The following DMD variants were observed in gnomAD, a reference collection of about 807,000 sequenced individuals.
The protein encoded by DMD is dystrophin, also known as mutant dystrophin.
Under a neutral mutation model 330.1 loss-of-function variants are expected in DMD, and 63 were observed. The observed-to-expected ratio is 0.19, with a 90% CI of 0.16 to 0.24. The LOEUF (loss-of-function observed/expected upper bound fraction) is 0.24. Among genes scored for constraint, DMD ranks in the 10% least tolerant of loss-of-function variants. DMD has a pLI of 1.00. For missense variants in DMD, 3,344 were observed against 2,684.1 expected (o/e 1.25, Z -5.43); for synonymous variants, 1,223 against 959.8 (o/e 1.27, Z -5.07).
At chrX:32,717,313 T>G (rs1442100892) in intron 7 of DMD, among the ~76,000 whole-genome samples, 1 of 110,965 alleles carries the variant, frequency 9.0e-6, no homozygotes, top group East Asian at 2.9e-4. Flanking sequence ...AAGACACTGC[T>G]CCCTATGTCC....
rs748759202 is a variant in DMD, at chrX:32,186,499, G to C, written c.6438+30417C>G. ...TAAAAAAATCTTAGCCAGAAGGATT[G>C]CTTCCTGAAAATGATTTAATTTGTA... On this transcript the variant is annotated intron_variant, in intron 44 of 78. Coordinates refer to ENST00000357033, the MANE Select transcript of DMD (RefSeq NM_004006.3). 1.1e-4 allele frequency among the ~76,000 whole-genome samples: 12 copies of C among 111,633 alleles called. No individual in the cohort carries two copies. The South Asian group carries it at 3.3e-3, about 31-fold the overall frequency.
At chrX:32,782,609 C>T (rs772995285) in intron 7 of DMD, among the ~76,000 whole-genome samples, 1 of 111,288 alleles carries the variant, frequency 9.0e-6, no homozygotes, top group Non-Finnish European at 1.9e-5. Flanking sequence ...GGTGGTTGTA[C>T]AGGTGGAGAG....
At chrX:31,366,988 AC>A (rs1174102049) in intron 60 of DMD, among the ~76,000 whole-genome samples, 1 of 110,952 alleles carries the variant, frequency 9.0e-6, no homozygotes, top group Non-Finnish European at 1.9e-5. Context: ...TGATGTCTTC[AC>A]TTTTCTCTAT....
intron 34 of DMD, among the ~76,000 whole-genome samples, chrX:32,368,247 T>C (rs1266543659): frequency 9.0e-6 from 1 of 111,704 alleles, no homozygotes; most frequent in Non-Finnish European, 1.9e-5. Flanking sequence ...AACCTCACTC[T>C]AATCATGCCT....
At chrX:31,933,754 G>T (rs1427967554) in intron 45 of DMD, among the ~76,000 whole-genome samples, 1 of 111,693 alleles carries the variant, frequency 9.0e-6, no homozygotes, top group Admixed American at 9.5e-5. Flanking sequence ...TGATTATTTT[G>T]CCGGTACTGA....
At chrX:32,133,799 C>G (rs2096711277) in intron 44 of DMD, among the ~76,000 whole-genome samples, 1 of 111,418 alleles carries the variant, frequency 9.0e-6, no homozygotes, top group Admixed American at 9.6e-5. Flanking sequence ...TCTTCTCACA[C>G]TTAGAAAGAG....
intron 74 of DMD, among the ~76,000 whole-genome samples, chrX:31,156,762 A>G (rs2038174567): frequency 8.9e-6 from 1 of 112,196 alleles, no homozygotes; most frequent in Non-Finnish European, 1.9e-5. Context: ...ATGTGCTAAA[A>G]ACTTCCTATA....
intron 1 of DMD, among the ~76,000 whole-genome samples, chrX:33,262,144 A>T (rs1380486666): frequency 2.7e-5 from 3 of 111,983 alleles, no homozygotes; most frequent in African/African-American, 9.7e-5. Context: ...ATTGAGAAGA[A>T]AAAAGCTATA....
At chrX:32,534,183 A>C (rs1165578455) in intron 17 of DMD, among the ~76,000 whole-genome samples, 2 of 111,934 alleles carry the variant, frequency 1.8e-5, no homozygotes, top group Non-Finnish European at 3.8e-5. Flanking sequence ...CAATTCCAAA[A>C]TTAAGGTACC....
At chrX:33,332,764 C>G (rs1297344109) in intron 1 of DMD, among the ~76,000 whole-genome samples, 3 of 111,404 alleles carry the variant, frequency 2.7e-5, no homozygotes, top group East Asian at 2.8e-4. Flanking sequence ...TTTTTGTTTG[C>G]TTTTTTGTTA....
intron 44 of DMD, among the ~76,000 whole-genome samples, chrX:32,056,652 G>A (rs1433564416): frequency 9.0e-6 from 1 of 110,577 alleles, no homozygotes; most frequent in Non-Finnish European, 1.9e-5. Context: ...ACAAAGAAAA[G>A]CCCAGGACCA....
At chrX:33,147,069 G>T (rs1227655515) in intron 1 of DMD, among the ~76,000 whole-genome samples, 1 of 110,870 alleles carries the variant, frequency 9.0e-6, no homozygotes, top group Non-Finnish European at 1.9e-5. Flanking sequence ...TGATCCACCC[G>T]CCTCAGCCTC....
intron 50 of DMD, among the ~76,000 whole-genome samples, chrX:31,783,966 T>C (rs1183285725): frequency 1.8e-5 from 2 of 112,296 alleles, no homozygotes; most frequent in Non-Finnish European, 3.8e-5. Flanking sequence ...TTCCTCATCA[T>C]ACCACTCTGG....
In DMD at chrX:31,995,436, A is replaced by T. The variant is rs191340207; in HGVS notation, c.6439-26922T>A. Among the ~76,000 whole-genome samples, 735 of 112,238 alleles carry T rather than the reference A, an allele frequency of 6.5e-3. 3 individuals are homozygous for T. The highest frequency in any genetic ancestry group is 0.023 in the African/African-American group (697 of 30,953). On this transcript the variant is annotated intron_variant, in intron 44 of 78. Transcript: ENST00000357033. ...TCAAATTCTATAATGAGCACTTATT[A>T]CCTTTATAATAAGAAAAAAGAAAAT...
At chrX:32,380,385 A>G (rs1422192980) in intron 34 of DMD, 125 bp downstream of exon 34, 12 of 675,684 alleles carry the variant, frequency 1.8e-5, no homozygotes, top group South Asian at 2.9e-5. Flanking sequence ...ATTTTTAAGA[A>G]AGGGAATATG....
intron 62 of DMD, among the ~76,000 whole-genome samples, chrX:31,279,536 C>T (rs1209889595): frequency 9.0e-6 from 1 of 111,716 alleles, no homozygotes; most frequent in Non-Finnish European, 1.9e-5. Context: ...AAACATGACA[C>T]AAGCAGAAAC....
At chrX:32,189,819 A>G (rs1405134658) in intron 44 of DMD, among the ~76,000 whole-genome samples, 1 of 111,126 alleles carries the variant, frequency 9.0e-6, no homozygotes, top group Non-Finnish European at 1.9e-5. Context: ...TGAGTTCATA[A>G]CTGTGCAGTA....
At chrX:32,540,767 C>G (rs1281629551) in intron 17 of DMD, among the ~76,000 whole-genome samples, 1 of 111,219 alleles carries the variant, frequency 9.0e-6, no homozygotes, top group South Asian at 3.8e-4. Context: ...TACAACAAAA[C>G]GAATGTAATG....
At position 31,351,529 on chromosome X, in the gene DMD, C is replaced by T. The variant is rs371831495; in HGVS notation, c.9085-2895G>A. On this transcript the variant is annotated intron_variant, in intron 60 of 78. Transcript: ENST00000357033. ...TCACTTGAGGTCAGGAGTTCGAGAC[C>T]GGTCTGGCCAACATGATGAAACGCA... Among the ~76,000 whole-genome samples, 24 of 109,013 alleles carry T rather than the reference C, an allele frequency of 2.2e-4. 1 individual carries two copies. The highest frequency in any genetic ancestry group is 2.0e-3 in the East Asian group (7 of 3,445). 94.7% of individuals were successfully genotyped at this position (109,013 alleles called of 115,157 possible). A position where few individuals can be genotyped will look rare whatever the true frequency, so the allele number is the denominator to read the frequency against.
Sources: gnomAD v4.1 joint callset for allele counts (sites outside exome capture counted in the v4.1 genomes callset) on GRCh38, gnomAD v4.1.1 for gene constraint, MANE v1.5 for transcripts, NCBI Gene and HGNC (gene_info 2026-07-23, HGNC 2026-07-21) for gene names.